IL22RA1: variants seen among roughly 807,000 people sequenced by gnomAD.
IL22RA1 encodes the protein interleukin 22 receptor subunit alpha 1.
Under a neutral mutation model 32.8 loss-of-function variants are expected in IL22RA1, and 25 were observed. The observed-to-expected ratio is 0.76, with a 90% CI of 0.55 to 1.06. The LOEUF (loss-of-function observed/expected upper bound fraction) is 1.06. Among genes scored for constraint, IL22RA1 ranks in the 50% least tolerant of loss-of-function variants. The pLI is 0.00. For synonymous variants in IL22RA1, 305 were observed against 305.0 expected, an observed-to-expected ratio of 1.00 and a Z score of 0.00; for missense variants, 709 against 727.4, an observed-to-expected ratio of 0.97 and a Z score of 0.29.
chr1:24,123,143 G>A (rs1437664711), intron 6 of IL22RA1, among the ~76,000 whole-genome samples, 159 bp downstream of exon 6: 4 of 152,224 alleles, frequency 2.6e-5, no homozygotes, highest in Admixed American at 1.3e-4. Flanking sequence ...TGGGCTACAC[G>A]TCCGTTGACT....
At chr1:24,134,473 T>A (rs1644228858) in intron 3 of IL22RA1, 87 bp from the exon 4 acceptor site, 1 of 964,752 alleles carries the variant, frequency 1.0e-6, no homozygotes, top group African/African-American at 1.7e-5. Context: ...GGAAAATGAC[T>A]GCTCCCTCTC....
At chr1:24,138,784 C>T (rs1644260888) in intron 1 of IL22RA1, 70 bp from the exon 2 acceptor site, 1 of 1,554,232 alleles carries the variant, frequency 6.4e-7, no homozygotes, top group Non-Finnish European at 8.8e-7. Flanking sequence ...TGGGCTCAGT[C>T]AGAGTCCTGC....
At position 24,120,701 on chromosome 1, in the gene IL22RA1, G is replaced by T; in HGVS notation, c.*104C>A. The T allele has an allele frequency of 8.7e-7, 1 of 1,145,044 alleles. No individual in the cohort carries two copies. Among genetic ancestry groups the T allele is most frequent in the Non-Finnish European group, 1.3e-6 (1 of 799,902 alleles). 70.9% of individuals were successfully genotyped at this position (1,145,044 alleles called of 1,614,324 possible). ...GCTTCTCTCAAGGGCACCCGTCTGA[G>T]GCCAGATCGCAGAGTGTGTGGCGTG... On this transcript the variant is annotated 3_prime_UTR_variant, in exon 7 of 7. Coordinates refer to ENST00000270800, the MANE Select transcript of IL22RA1 (RefSeq NM_021258.4).
At chr1:24,127,371 G>A (rs939866755) in intron 5 of IL22RA1, among the ~76,000 whole-genome samples, 2 of 151,846 alleles carry the variant, frequency 1.3e-5, no homozygotes, top group Non-Finnish European at 2.9e-5. Context: ...GAGTGCAGTG[G>A]TGCAAACATA....
At chr1:24,140,743 C>T (rs1332473489) in intron 1 of IL22RA1, among the ~76,000 whole-genome samples, 1 of 152,236 alleles carries the variant, frequency 6.6e-6, no homozygotes, top group Non-Finnish European at 1.5e-5. Flanking sequence ...GGGAAAATGG[C>T]GGCCCAAGCT....
At chr1:24,131,481 A>G (rs1644204307) in intron 4 of IL22RA1, among the ~76,000 whole-genome samples, 1 of 152,238 alleles carries the variant, frequency 6.6e-6, no homozygotes. Flanking sequence ...TAATATCGAT[A>G]AAGTAGACTT....
chr1:24,123,439 G>C lies in IL22RA1; in HGVS notation c.671-16C>G. 6.2e-7 allele frequency: 1 copy of C among 1,610,884 alleles called. No homozygotes were observed. The highest frequency in any genetic ancestry group is 1.1e-5 in the South Asian group (1 of 90,312). On this transcript the variant is annotated splice_polypyrimidine_tract_variant and intron_variant, in intron 5 of 6. Coordinates refer to ENST00000270800, the MANE Select transcript of IL22RA1 (RefSeq NM_021258.4). The stretch of plus-strand genomic sequence containing the variant: ...CATGTCCGGTCTGGGAAACCAAAGG[G>C]GCCAGAGAAGGAAGCGTGAGGCTGG...
chr1:24,128,117 C>G, intron 5 of IL22RA1, 24 bp downstream of exon 5: 1 of 1,496,218 alleles, frequency 6.7e-7, no homozygotes, highest in South Asian at 1.4e-5. Flanking sequence ...AGCCCCACCT[C>G]CCTCTGGTTT....
chr1:24,123,299 C>A lies in IL22RA1; in HGVS notation c.792+3G>T. 1 of 1,613,588 alleles carries A rather than the reference C, an allele frequency of 6.2e-7. No individual in the cohort carries two copies. The highest frequency in any genetic ancestry group is 8.5e-7 in the Non-Finnish European group (1 of 1,179,668). On this transcript the variant is annotated splice_donor_region_variant and intron_variant, in intron 6 of 6. Coordinates refer to ENST00000270800, the MANE Select transcript of IL22RA1 (RefSeq NM_021258.4). The stretch of plus-strand genomic sequence containing the variant: ...TCCCTCCCACCCTGGGGGGATGGCT[C>A]ACCAGGGAGTTGGGAGGTGCAGGCG...
At chr1:24,122,170 C>T (rs1000884497) in intron 6 of IL22RA1, among the ~76,000 whole-genome samples, 2 of 152,122 alleles carry the variant, frequency 1.3e-5, no homozygotes, top group Non-Finnish European at 2.9e-5. Flanking sequence ...GAAAATGCTT[C>T]ATCTGGACTT....
At chr1:24,123,500 G>A in intron 5 of IL22RA1, 77 bp from the exon 6 acceptor site, 1 of 1,561,484 alleles carries the variant, frequency 6.4e-7, no homozygotes. Flanking sequence ...GGCCCCACAT[G>A]TGGATGCTGA....
At chr1:24,138,512 G>C (rs1644258292) in intron 2 of IL22RA1, 70 bp downstream of exon 2, 24 of 1,561,826 alleles carry the variant, frequency 1.5e-5, no homozygotes, top group Non-Finnish European at 2.0e-5. Context: ...ATATGGAGAG[G>C]AGGGGAATTC....
rs548175390 is a variant in IL22RA1 at position 24,123,438 on chromosome 1, G to C, written c.671-15C>G. Reference sequence around the variant, plus strand: ...CCATGTCCGGTCTGGGAAACCAAAGGGGCCAGAGAAGGAAGCGTGAGGCTG... The same window carrying C: ...CCATGTCCGGTCTGGGAAACCAAAGCGGCCAGAGAAGGAAGCGTGAGGCTG... On this transcript the variant is annotated splice_polypyrimidine_tract_variant and intron_variant, in intron 5 of 6. Transcript: ENST00000270800. The C allele has an allele frequency of 4.3e-6, 7 of 1,611,436 alleles. No homozygotes were observed. In the South Asian group the frequency reaches 5.5e-5, roughly 13 times the overall value.
chr1:24,142,437 G>A (rs1195032577), intron 1 of IL22RA1, among the ~76,000 whole-genome samples: 1 of 152,178 alleles, frequency 6.6e-6, no homozygotes, highest in African/African-American at 2.4e-5. Flanking sequence ...CACTTTATTG[G>A]CTTTGAACAC....
intron 4 of IL22RA1, among the ~76,000 whole-genome samples, chr1:24,131,873 C>T (rs190262810): frequency 6.6e-6 from 1 of 152,324 alleles, no homozygotes; most frequent in Admixed American, 6.5e-5. Context: ...GGCTATAACA[C>T]AAGCCTCGAT....
chr1:24,141,131 G>C (rs1644278531), intron 1 of IL22RA1, among the ~76,000 whole-genome samples: 1 of 152,246 alleles, frequency 6.6e-6, no homozygotes, highest in Non-Finnish European at 1.5e-5. Flanking sequence ...GGAGTCCCCA[G>C]AATGGGGCCT....
intron 5 of IL22RA1, among the ~76,000 whole-genome samples, chr1:24,127,792 T>C (rs1644175787): frequency 6.6e-6 from 1 of 152,168 alleles, no homozygotes; most frequent in Non-Finnish European, 1.5e-5. Flanking sequence ...CTTTGGAAGA[T>C]ATTGAGGGAT....
Position 24,121,683 on chromosome 1 carries a change from G to A in IL22RA1, c.847C>T (p.Leu283=). ...CCGCTGAGGTCAAAGACAGGGATCA[G>A]GACGTGCTCCTGGATGAAGCGCAGC... ...QPLRFIQEHV[L]IPVFDLSGPS... Residue 283 remains leucine (L), a synonymous_variant, in exon 7 of 7, where the codon CTG becomes TTG. Coordinates refer to ENST00000270800, the MANE Select transcript of IL22RA1 (RefSeq NM_021258.4). 6.3e-7 allele frequency: 1 copy of A among 1,593,214 alleles called. No homozygotes were observed. The highest frequency in any genetic ancestry group is 8.6e-7 in the Non-Finnish European group (1 of 1,167,312).
chr1:24,130,613 G>C (rs901740983), intron 4 of IL22RA1, among the ~76,000 whole-genome samples: 1 of 152,174 alleles, frequency 6.6e-6, no homozygotes, highest in Non-Finnish European at 1.5e-5. Flanking sequence ...TTTCAAAATT[G>C]TTAGACATAC....
Sources: allele counts gnomAD v4.1 joint callset (sites outside exome capture counted in the v4.1 genomes callset), GRCh38; gene constraint gnomAD v4.1.1; transcripts MANE v1.5; gene names NCBI Gene and HGNC (gene_info 2026-07-23, HGNC 2026-07-21).